Variants in CDH8 observed in about 807,000 individuals in gnomAD.
CDH8 encodes the protein cadherin-8.
In CDH8, 17 loss-of-function variants were observed where a neutral mutation model predicts 68.1. The ratio of observed to expected loss-of-function variants is 0.25; its 90% CI spans 0.17 to 0.37. The LOEUF (loss-of-function observed/expected upper bound fraction) is 0.37. Among genes scored for constraint, CDH8 ranks in the 10% least tolerant of loss-of-function variants. The pLI, the probability that CDH8 is intolerant of heterozygous loss-of-function variation, is 1.00. For synonymous variants in CDH8, 372 were observed against 365.1 expected (o/e 1.02, Z -0.21); for missense variants, 763 against 999.3 (o/e 0.76, Z 3.19).
chr16:61,851,330 A>T (rs142381651), intron 4 of CDH8, among the ~76,000 whole-genome samples: 79 of 152,100 alleles, frequency 5.2e-4, no homozygotes, highest in African/African-American at 1.9e-3. Context: ...CCCAATGAAG[A>T]AAAATGGTCT....
chr16:61,794,265 T>C (rs1398136989), intron 7 of CDH8, among the ~76,000 whole-genome samples: 1 of 152,030 alleles, frequency 6.6e-6, no homozygotes, highest in Non-Finnish European at 1.5e-5. Context: ...CAAAGGCCAC[T>C]CATATACCCA....
At chr16:61,947,693 T>G (rs1964822080) in intron 2 of CDH8, among the ~76,000 whole-genome samples, 1 of 152,228 alleles carries the variant, frequency 6.6e-6, no homozygotes, top group Non-Finnish European at 1.5e-5. Context: ...TTGTTTTAAC[T>G]CATTCTTTAA....
chr16:61,737,442 T>C (rs1309664750), intron 8 of CDH8, among the ~76,000 whole-genome samples: 5 of 152,084 alleles, frequency 3.3e-5, no homozygotes, highest in Non-Finnish European at 7.4e-5. Flanking sequence ...AAGATGTGAA[T>C]TGAATATATC....
chr16:62,028,127 C>T (rs140224521), intron 1 of CDH8, among the ~76,000 whole-genome samples: 22 of 147,164 alleles, frequency 1.5e-4, no homozygotes, highest in Non-Finnish European at 2.8e-4. Flanking sequence ...GGCAATGGCA[C>T]GATCTCGGCT....
chr16:61,679,127 G>A (rs1039410629), intron 10 of CDH8, among the ~76,000 whole-genome samples: 1 of 151,996 alleles, frequency 6.6e-6, no homozygotes, highest in Non-Finnish European at 1.5e-5. Flanking sequence ...CCAGGCTAAA[G>A]ATTTAATAAA....
At chr16:61,793,469 ATT>A (rs1961427811) in intron 7 of CDH8, among the ~76,000 whole-genome samples, 1 of 151,654 alleles carries the variant, frequency 6.6e-6, no homozygotes, top group Non-Finnish European at 1.5e-5. Flanking sequence ...ATGTCTCATC[ATT>A]TAGTTCCCTC....
chr16:61,679,802 T>G (rs1242396910), intron 10 of CDH8, among the ~76,000 whole-genome samples: 1 of 151,952 alleles, frequency 6.6e-6, no homozygotes, highest in East Asian at 1.9e-4. Flanking sequence ...TGAAGTACTC[T>G]AATTCTACCC....
At chr16:61,743,061 G>A (rs1297359455) in intron 8 of CDH8, 2 of 152,078 alleles carry the variant, frequency 1.3e-5, no homozygotes, top group Non-Finnish European at 2.9e-5. Context: ...TTCAGTTCAT[G>A]CTGTGTTTAT....
At position 61,652,700 on chromosome 16, in the gene CDH8, C is replaced by T. The variant is rs1471925984; in HGVS notation, c.*908G>A. 8.0e-7 allele frequency: 1 copy of T among 1,251,234 alleles called. No individual in the cohort carries two copies. The highest frequency in any genetic ancestry group is 1.0e-6 in the Non-Finnish European group (1 of 992,970). 77.5% of individuals were successfully genotyped at this position (1,251,234 alleles called of 1,614,324 possible). The stretch of plus-strand genomic sequence containing the variant: ...TAATTTAGTTTTTTCCCATATATCC[C>T]CTTAATCTATAGATTACCGACCTTA... On this transcript the variant is annotated 3_prime_UTR_variant, in exon 12 of 12. Transcript: ENST00000577390.
chr16:61,884,233 G>A (rs1963629926), intron 3 of CDH8, among the ~76,000 whole-genome samples: 1 of 152,112 alleles, frequency 6.6e-6, no homozygotes, highest in Non-Finnish European at 1.5e-5. Flanking sequence ...TTCAGCCTCT[G>A]CCATCCCTGA....
At chr16:61,916,296 C>A (rs1244738811) in intron 2 of CDH8, among the ~76,000 whole-genome samples, 1 of 152,046 alleles carries the variant, frequency 6.6e-6, no homozygotes, top group Non-Finnish European at 1.5e-5. Flanking sequence ...GGCAGATCAC[C>A]TGAGGTTAGG....
intron 2 of CDH8, among the ~76,000 whole-genome samples, chr16:62,011,376 G>A (rs1194913445): frequency 2.0e-5 from 3 of 152,188 alleles, no homozygotes; most frequent in Admixed American, 2.0e-4. Flanking sequence ...ACCATCACCT[G>A]CAATGTGGAA....
At chr16:61,808,779 A>G (rs1296006602) in intron 7 of CDH8, among the ~76,000 whole-genome samples, 6 of 152,282 alleles carry the variant, frequency 3.9e-5, no homozygotes, top group African/African-American at 1.2e-4. Context: ...AGGGGGTGAC[A>G]AAGTTTTTTG....
intron 2 of CDH8, among the ~76,000 whole-genome samples, chr16:61,983,014 TAAATAATAC>T (rs1240466224): frequency 2.6e-5 from 4 of 152,142 alleles, no homozygotes; most frequent in African/African-American, 4.8e-5. Flanking sequence ...AGATTAATAC[TAAATAATAC>T]AAATAATACT....
intron 4 of CDH8, among the ~76,000 whole-genome samples, chr16:61,850,233 AG>A (rs1434356888): frequency 6.6e-6 from 1 of 152,062 alleles, no homozygotes; most frequent in Non-Finnish European, 1.5e-5. Flanking sequence ...ATGGCAAGAC[AG>A]GGAGCAAGAA....
intron 2 of CDH8, among the ~76,000 whole-genome samples, chr16:61,989,370 T>C (rs1024564427): frequency 2.0e-5 from 3 of 152,150 alleles, no homozygotes; most frequent in Non-Finnish European, 2.9e-5. Flanking sequence ...AGTGGCAAAG[T>C]GCTGATGTTG....
chr16:61,835,331 T>G (rs140577757), intron 4 of CDH8, among the ~76,000 whole-genome samples: 27 of 152,092 alleles, frequency 1.8e-4, no homozygotes, highest in Non-Finnish European at 3.1e-4. Flanking sequence ...TACAGCTTCT[T>G]AATTATCCCA....
At chr16:61,726,934 T>C in intron 9 of CDH8, 160 bp downstream of exon 9, 4 of 735,048 alleles carry the variant, frequency 5.4e-6, no homozygotes, top group Non-Finnish European at 8.9e-6. Context: ...TAACATCTGA[T>C]GGAGAAAAAA....
chr16:61,934,551 G>A (rs994319396), intron 2 of CDH8, among the ~76,000 whole-genome samples: 7 of 152,154 alleles, frequency 4.6e-5, no homozygotes, highest in African/African-American at 1.7e-4. Context: ...TTTTATTACA[G>A]TATTTTAGAT....
Sources: allele counts gnomAD v4.1 joint callset (sites outside exome capture counted in the v4.1 genomes callset), GRCh38; gene constraint gnomAD v4.1.1; transcripts MANE v1.5; gene names NCBI Gene and HGNC (gene_info 2026-07-23, HGNC 2026-07-21).